The following PTPRQ variants were observed in gnomAD, a reference collection of about 807,000 sequenced individuals.
The protein encoded by PTPRQ is phosphatidylinositol phosphatase PTPRQ.
In PTPRQ, 199 loss-of-function variants were observed where a neutral mutation model predicts 246.0. The observed-to-expected ratio is 0.81, with a 90% CI of 0.72 to 0.91. PTPRQ has a LOEUF of 0.91. PTPRQ is among the 40% of genes least tolerant of loss of function. The pLI is 0.00. For synonymous variants in PTPRQ, 869 were observed against 853.2 expected, an observed-to-expected ratio of 1.02 and a Z score of -0.32; for missense variants, 2,624 against 2,528.4, an observed-to-expected ratio of 1.04 and a Z score of -0.81.
In PTPRQ at chr12:80,457,637, A is replaced by G. The variant is rs2120462446; in HGVS notation, c.453A>G (p.Ala151=). 2.5e-6 allele frequency: 1 copy of G among 400,284 alleles called. No homozygotes were observed. The highest frequency in any genetic ancestry group is 3.6e-5 in the East Asian group (1 of 27,996). 24.8% of individuals were successfully genotyped at this position (400,284 alleles called of 1,614,324 possible). A position where few individuals can be genotyped will look rare whatever the true frequency, so the allele number is the denominator to read the frequency against. The part of the protein sequence containing the change: ...VFSDPFLFQT[A]ESAPGKVVNL... ...GTGATCCATTTCTCTTCCAAACTGCAGAAAGTGGTAATTTTCCTGTCATTT... is the reference window on the plus strand; with the variant it reads ...GTGATCCATTTCTCTTCCAAACTGCGGAAAGTGGTAATTTTCCTGTCATTT... The change falls in exon 4 of 45, where the codon GCA becomes GCG. Residue 151 remains alanine, a synonymous_variant. Coordinates refer to ENST00000644991, the MANE Select transcript of PTPRQ (RefSeq NM_001145026.2).
rs1288064275 is a variant in PTPRQ, at chr12:80,534,022, T to A, written c.2686T>A (p.Ser896Thr). ...LYYTVYVWNR[S>T]SLKTINVTET... is the part of the protein sequence containing the mutation. ...ATATTCTTTTTATCTCAGGAATAGA[T>A]CATCATTAAAAACTATTAATGTCAC... The change falls in exon 18 of 45, where the codon TCA becomes ACA. Residue 896 changes from serine (S) to threonine (T), a missense_variant. Transcript: ENST00000644991. 2 of 1,493,114 alleles carry A rather than the reference T, an allele frequency of 1.3e-6. No individual in the cohort carries two copies. Among genetic ancestry groups the A allele is most frequent in the East Asian group, 2.6e-5 (1 of 37,790 alleles). 92.5% of individuals were successfully genotyped at this position (1,493,114 alleles called of 1,614,324 possible). A position where few individuals can be genotyped will look rare whatever the true frequency, so the allele number is the denominator to read the frequency against.
At chr12:80,654,570 T>A (rs1163023) in intron 38 of PTPRQ, among the ~76,000 whole-genome samples, 3 of 151,652 alleles carry the variant, frequency 2.0e-5, no homozygotes, top group Non-Finnish European at 2.9e-5. Flanking sequence ...ATTAATGGCC[T>A]GGCGCGGTGG....
At chr12:80,600,156 C>T in intron 26 of PTPRQ, among the ~76,000 whole-genome samples, 1 of 151,694 alleles carries the variant, frequency 6.6e-6, no homozygotes, top group East Asian at 1.9e-4. Flanking sequence ...GGCTAAATAC[C>T]TTGCTTTTTT....
chr12:80,590,644 G>A (rs1897765177), intron 26 of PTPRQ, among the ~76,000 whole-genome samples: 1 of 142,446 alleles, frequency 7.0e-6, no homozygotes, highest in Admixed American at 7.0e-5. Flanking sequence ...CTCCAGCCTG[G>A]GCACAGAGCA....
chr12:80,505,976 T>C lies in PTPRQ; in HGVS notation c.2273-48T>C. On this transcript the variant is annotated intron_variant, in intron 14 of 44. Transcript: ENST00000644991. Reference sequence around the variant, plus strand: ...TCAGTGACAATTTCAGCAGAATAGATTTTTAGAATGGAATTGTTTTATGTA... The same window carrying C: ...TCAGTGACAATTTCAGCAGAATAGACTTTTAGAATGGAATTGTTTTATGTA... 4.6e-6 allele frequency: 7 copies of C among 1,510,518 alleles called. 1 individual carries two copies. Among genetic ancestry groups the C allele is most frequent in the Non-Finnish European group, 5.3e-6 (6 of 1,130,116 alleles). 93.6% of individuals were successfully genotyped at this position (1,510,518 alleles called of 1,614,324 possible). A position where few individuals can be genotyped will look rare whatever the true frequency, so the allele number is the denominator to read the frequency against.
rs1258834025 is a variant in PTPRQ at position 80,546,593 on chromosome 12, G to T, written c.3911G>T (p.Gly1304Val). ...SGFKTEAKLV[G>V]LEPVSTYSIR... The stretch of plus-strand genomic sequence containing the variant: ...TTTAAAACTGAAGCCAAACTTGTTG[G>T]ACTGGAACCAGTCAGCACCTACTCT... The change falls in exon 24 of 45, where the codon GGA (glycine) becomes GTA (valine). Residue 1304 changes from glycine (G) to valine (V), a missense_variant. Transcript: ENST00000644991. 6.5e-7 allele frequency: 1 copy of T among 1,549,554 alleles called. No homozygotes were observed. The highest frequency in any genetic ancestry group is 8.7e-7 in the Non-Finnish European group (1 of 1,146,438).
intron 38 of PTPRQ, among the ~76,000 whole-genome samples, chr12:80,655,245 C>G (rs992516490): frequency 6.6e-6 from 1 of 152,130 alleles, no homozygotes; most frequent in Non-Finnish European, 1.5e-5. Flanking sequence ...TCTGTTTACC[C>G]ACTAACTACA....
intron 35 of PTPRQ, among the ~76,000 whole-genome samples, chr12:80,635,974 T>C (rs1899632458): frequency 6.6e-6 from 1 of 152,214 alleles, no homozygotes; most frequent in Admixed American, 6.5e-5. Flanking sequence ...TGTCACTTGT[T>C]AAAGTTGGTC....
At chr12:80,536,856 C>T (rs1896003131) in intron 19 of PTPRQ, among the ~76,000 whole-genome samples, 2 of 152,130 alleles carry the variant, frequency 1.3e-5, no homozygotes, top group South Asian at 4.1e-4. Context: ...AAAAACATTG[C>T]ACAATTGTTC....
At chr12:80,578,539 T>C (rs747207858) in intron 25 of PTPRQ, among the ~76,000 whole-genome samples, 14 of 152,020 alleles carry the variant, frequency 9.2e-5, no homozygotes, top group South Asian at 2.1e-4. Context: ...TGCAGGCGCC[T>C]GCCACTACGC....
At chr12:80,654,979 A>G (rs1346580416) in intron 38 of PTPRQ, among the ~76,000 whole-genome samples, 3 of 152,174 alleles carry the variant, frequency 2.0e-5, no homozygotes, top group Non-Finnish European at 4.4e-5. Flanking sequence ...TTGATAGATC[A>G]GAAAGTTTTT....
At chr12:80,581,244 T>C (rs542755263) in intron 25 of PTPRQ, among the ~76,000 whole-genome samples, 3 of 152,034 alleles carry the variant, frequency 2.0e-5, no homozygotes, top group Non-Finnish European at 4.4e-5. Flanking sequence ...TGGTAGTAGA[T>C]CTAAAAAAGA....
chr12:80,483,686 C>G (rs1200190839), intron 8 of PTPRQ, among the ~76,000 whole-genome samples: 1 of 151,770 alleles, frequency 6.6e-6, no homozygotes, highest in African/African-American at 2.4e-5. Context: ...CTGCACCCAT[C>G]AAAGTGTCAT....
At chr12:80,468,586 A>G (rs930079368) in intron 6 of PTPRQ, 124 bp from the exon 7 acceptor site, 1 of 959,714 alleles carries the variant, frequency 1.0e-6, no homozygotes, top group East Asian at 3.1e-5. Flanking sequence ...AGATAAAAAA[A>G]CTCTGCTTTT....
intron 17 of PTPRQ, among the ~76,000 whole-genome samples, chr12:80,523,031 C>T (rs1895556415): frequency 6.6e-6 from 1 of 152,156 alleles, no homozygotes; most frequent in Non-Finnish European, 1.5e-5. Context: ...ATTATTGCCT[C>T]AATTTCAGAG....
Position 80,595,643 on chromosome 12 carries a change from C to A in PTPRQ, c.4609+7191C>A, listed in dbSNP as rs571506913. On this transcript the variant is annotated intron_variant, in intron 26 of 44. Transcript: ENST00000644991. Reference sequence around the variant, plus strand: ...GGTTAGTTACATATGTATACATGTGCCATGCTGGTGTGCTGCACCCATTAA... The same window carrying A: ...GGTTAGTTACATATGTATACATGTGACATGCTGGTGTGCTGCACCCATTAA... Among the ~76,000 whole-genome samples the A allele has an allele frequency of 2.2e-3, 330 of 151,776 alleles. 3 individuals carry two copies. Among genetic ancestry groups the A allele is most frequent in the Admixed American group, 3.5e-3 (53 of 15,176 alleles).
intron 8 of PTPRQ, among the ~76,000 whole-genome samples, chr12:80,476,452 G>A (rs1041020063): frequency 6.6e-6 from 1 of 152,098 alleles, no homozygotes; most frequent in Non-Finnish European, 1.5e-5. Context: ...TCAGTGTGTT[G>A]AATGATGAAT....
intron 39 of PTPRQ, among the ~76,000 whole-genome samples, chr12:80,668,697 AC>A (rs1391429415): frequency 6.6e-6 from 1 of 151,930 alleles, no homozygotes; most frequent in Non-Finnish European, 1.5e-5. Flanking sequence ...TGCTTAGCAA[AC>A]TGCTACAAAG....
chr12:80,490,886 C>T (rs1035070703), intron 9 of PTPRQ, among the ~76,000 whole-genome samples: 1 of 151,820 alleles, frequency 6.6e-6, no homozygotes, highest in Non-Finnish European at 1.5e-5. Context: ...CTTTTTTTCT[C>T]ATTATGAAAA....
Sources: allele counts gnomAD v4.1 joint callset (sites outside exome capture counted in the v4.1 genomes callset), GRCh38; gene constraint gnomAD v4.1.1; transcripts MANE v1.5; gene names NCBI Gene and HGNC (gene_info 2026-07-23, HGNC 2026-07-21).